CFAP52: variants seen among roughly 807,000 people sequenced by gnomAD.
CFAP52 encodes the protein cilia- and flagella-associated protein 52.
Under a neutral mutation model 70.5 loss-of-function variants are expected in CFAP52, and 57 were observed. The observed-to-expected ratio is 0.81, with a 90% CI of 0.65 to 1.01. The LOEUF (loss-of-function observed/expected upper bound fraction) is 1.01, where lower values mean the gene tolerates loss of function less well. Among genes scored for constraint, CFAP52 ranks in the 50% least tolerant of loss-of-function variants. CFAP52 has a pLI of 0.00. For synonymous variants in CFAP52, 267 were observed against 292.5 expected, an observed-to-expected ratio of 0.91 and a Z score of 0.89; for missense variants, 785 against 788.5, an observed-to-expected ratio of 1.00 and a Z score of 0.05.
intron 11 of CFAP52, among the ~76,000 whole-genome samples, chr17:9,635,908 T>C (rs112346431): frequency 0.016 from 2,394 of 152,030 alleles, 75 homozygotes; most frequent in African/African-American, 0.054. Flanking sequence ...CGTGGTGGCT[T>C]CTGCCTGTAA....
intron 1 of CFAP52, among the ~76,000 whole-genome samples, chr17:9,577,659 T>C (rs1567617167): frequency 6.6e-6 from 1 of 152,228 alleles, no homozygotes; most frequent in South Asian, 2.1e-4. Context: ...CAGTCTCCAA[T>C]AGAAAGTGAG....
chr17:9,579,970 A>G (rs1908139676), intron 1 of CFAP52, among the ~76,000 whole-genome samples: 1 of 152,220 alleles, frequency 6.6e-6, no homozygotes, highest in East Asian at 1.9e-4. Context: ...AACCAAATAT[A>G]CTTGTGTTAA....
At chr17:9,592,279 A>G (rs1205291030) in intron 3 of CFAP52, among the ~76,000 whole-genome samples, 1 of 152,128 alleles carries the variant, frequency 6.6e-6, no homozygotes, top group African/African-American at 2.4e-5. Context: ...CCCGGCCAAC[A>G]TAGTGAAACC....
At chr17:9,621,946 T>G (rs1198716399) in intron 8 of CFAP52, among the ~76,000 whole-genome samples, 1 of 151,012 alleles carries the variant, frequency 6.6e-6, no homozygotes, top group Admixed American at 6.6e-5. Context: ...ATGGCACATG[T>G]ATACATATGT....
chr17:9,627,036 T>C (rs1378194715), intron 8 of CFAP52, among the ~76,000 whole-genome samples: 1 of 152,160 alleles, frequency 6.6e-6, no homozygotes, highest in Non-Finnish European at 1.5e-5. Context: ...CCAATATTAC[T>C]TCTTCTTATT....
chr17:9,630,215 C>T (rs1459841350), intron 9 of CFAP52, among the ~76,000 whole-genome samples: 2 of 151,764 alleles, frequency 1.3e-5, no homozygotes, highest in Admixed American at 6.6e-5. Flanking sequence ...TCTCTTCTCA[C>T]CCAGTATACT....
At chr17:9,631,160 G>A (rs1012256796) in intron 9 of CFAP52, among the ~76,000 whole-genome samples, 6 of 151,852 alleles carry the variant, frequency 4.0e-5, no homozygotes, top group Non-Finnish European at 7.4e-5. Context: ...TACCCTCTAA[G>A]AGTAAATGAC....
chr17:9,609,983 G>C (rs796404553), intron 7 of CFAP52, among the ~76,000 whole-genome samples: 1 of 151,904 alleles, frequency 6.6e-6, no homozygotes, highest in South Asian at 2.1e-4. Context: ...CCTGGAATCT[G>C]ATTTCTGGAG....
chr17:9,609,092 C>T (rs113106614), intron 7 of CFAP52, among the ~76,000 whole-genome samples: 2,207 of 152,200 alleles, frequency 0.015, 26 homozygotes, highest in Non-Finnish European at 0.022. Flanking sequence ...GCCTCTGCTA[C>T]CCCCAGGAAG....
At position 9,628,747 on chromosome 17, in the gene CFAP52, G is replaced by T; in HGVS notation, c.1101G>T (p.Leu367=). Residue 367 remains leucine, a synonymous_variant, in exon 9 of 14, where the codon CTG becomes CTT. Transcript: ENST00000352665. ...GGCACACATCATCCAACAGGGAGCT[G>T]CTGCGGATCACCGTGCCCAACATGA... is the stretch of plus-strand genomic sequence containing the variant. The part of the protein sequence containing the change: ...RVWHTSSNRE[L]LRITVPNMTC... The T allele has an allele frequency of 6.2e-7, 1 of 1,614,182 alleles. No homozygotes were observed. Among genetic ancestry groups the T allele is most frequent in the Admixed American group, 1.7e-5 (1 of 60,016 alleles).
chr17:9,638,289 T>A (rs1910897356), intron 11 of CFAP52, among the ~76,000 whole-genome samples: 1 of 152,146 alleles, frequency 6.6e-6, no homozygotes, highest in Non-Finnish European at 1.5e-5. Context: ...TGGCTGTGAG[T>A]TCAGCCTCTT....
rs139855675 is a variant in CFAP52 at position 9,582,249 on chromosome 17, G to A, written c.71-3524G>A. On this transcript the variant is annotated intron_variant, in intron 1 of 13. Coordinates refer to ENST00000352665, the MANE Select transcript of CFAP52 (RefSeq NM_145054.5). Reference sequence around the variant, plus strand: ...GACACATTGTTTTCCAAAACGATTAGACCGATTTACTCTCCCACCAAGCAT... The same window carrying A: ...GACACATTGTTTTCCAAAACGATTAAACCGATTTACTCTCCCACCAAGCAT... 1.5e-4 allele frequency among the ~76,000 whole-genome samples: 23 copies of A among 152,278 alleles called. No homozygotes were observed. In the East Asian group the frequency reaches 4.3e-3, roughly 28 times the overall value.
chr17:9,583,797 T>C (rs1908327613), intron 1 of CFAP52, among the ~76,000 whole-genome samples: 2 of 152,246 alleles, frequency 1.3e-5, no homozygotes, highest in Non-Finnish European at 1.5e-5. Flanking sequence ...GTCTGTTTCA[T>C]ATTAAAACAT....
chr17:9,617,012 G>A (rs920236133), intron 8 of CFAP52, among the ~76,000 whole-genome samples: 2 of 85,716 alleles, frequency 2.3e-5, no homozygotes, highest in East Asian at 4.2e-4. Flanking sequence ...TGATTTTGAC[G>A]AGCTGAGAGA....
At chr17:9,623,778 C>T (rs1242054742) in intron 8 of CFAP52, among the ~76,000 whole-genome samples, 1 of 152,122 alleles carries the variant, frequency 6.6e-6, no homozygotes, top group African/African-American at 2.4e-5. Context: ...CACACTGCAG[C>T]CTAAACACCT....
At chr17:9,624,160 T>C (rs1242078917) in intron 8 of CFAP52, among the ~76,000 whole-genome samples, 2 of 152,212 alleles carry the variant, frequency 1.3e-5, no homozygotes, top group Non-Finnish European at 2.9e-5. Flanking sequence ...TCTTTCTCTT[T>C]GTGTTTATCC....
intron 4 of CFAP52, among the ~76,000 whole-genome samples, chr17:9,596,244 T>C (rs1010744954): frequency 2.0e-5 from 3 of 151,232 alleles, no homozygotes; most frequent in Non-Finnish European, 4.4e-5. Flanking sequence ...GGATTACAGG[T>C]GCATGCTGCC....
chr17:9,586,609 T>A, intron 2 of CFAP52, 89 bp from the exon 3 acceptor site: 3 of 1,374,018 alleles, frequency 2.2e-6, no homozygotes, highest in South Asian at 1.7e-5. Flanking sequence ...AAAGTGACAG[T>A]ACTAATTGTT....
chr17:9,591,343 G>T (rs1427145928), intron 3 of CFAP52, among the ~76,000 whole-genome samples: 2 of 151,970 alleles, frequency 1.3e-5, no homozygotes, highest in Non-Finnish European at 2.9e-5. Context: ...CGGCCTGCAT[G>T]TATCTTTTAA....
Sources: gnomAD v4.1 joint callset for allele counts (sites outside exome capture counted in the v4.1 genomes callset) on GRCh38, gnomAD v4.1.1 for gene constraint, MANE v1.5 for transcripts, NCBI Gene and HGNC (gene_info 2026-07-23, HGNC 2026-07-21) for gene names.